Variants in PIGF observed in about 807,000 individuals in gnomAD.
PIGF encodes the protein phosphatidylinositol glycan anchor biosynthesis class F, also known as GPI ethanolamine phosphate transferase, stabilizing subunit.
In PIGF, 23 loss-of-function variants were observed where a neutral mutation model predicts 26.0. That is an observed-to-expected ratio of 0.88 (90% CI 0.64 to 1.25). The LOEUF (loss-of-function observed/expected upper bound fraction) is 1.25. PIGF is among the 50% of genes most tolerant of loss of function. The pLI, the probability that PIGF is intolerant of heterozygous loss-of-function variation, is 0.00. For missense variants in PIGF, 278 were observed against 249.9 expected, an observed-to-expected ratio of 1.11 and a Z score of -0.76; for synonymous variants, 93 against 92.6, an observed-to-expected ratio of 1.00 and a Z score of -0.03.
chr2:46,601,786 G>T (rs1013554633), intron 4 of PIGF, among the ~76,000 whole-genome samples: 1 of 151,830 alleles, frequency 6.6e-6, no homozygotes, highest in Admixed American at 6.6e-5. Context: ...ACAAAAAGAG[G>T]CCTATTATCT....
chr2:46,584,698 A>T (rs1245857951), intron 5 of PIGF, among the ~76,000 whole-genome samples: 1 of 152,224 alleles, frequency 6.6e-6, no homozygotes, highest in Non-Finnish European at 1.5e-5. Flanking sequence ...ATGATGGGTC[A>T]GGCTTTGTAC....
In PIGF at chr2:46,592,524, G is replaced by A; in HGVS notation, c.497C>T (p.Ala166Val). Residue 166 changes from alanine (A) to valine (V), a missense_variant, in exon 5 of 6, where the codon GCA (alanine) becomes GTA (valine). Coordinates refer to ENST00000281382, the MANE Select transcript of PIGF (RefSeq NM_002643.4). ...TGGAATAGGAAGTGCTCCAAGCCAT[G>A]CTCCTACAAAGCTAGAAATTGTAGT... is the stretch of plus-strand genomic sequence containing the variant. ...QITTISSFVG[A>V]WLGALPIPLD... The A allele has an allele frequency of 2.5e-6, 4 of 1,611,438 alleles. No homozygotes were observed. The highest frequency in any genetic ancestry group is 3.4e-6 in the Non-Finnish European group (4 of 1,177,536).
chr2:46,600,236 G>A (rs370561053), intron 4 of PIGF, among the ~76,000 whole-genome samples: 420 of 152,250 alleles, frequency 2.8e-3, no homozygotes, highest in African/African-American at 9.7e-3. Context: ...TGGGGAGTCA[G>A]GGAAACCTAC....
At chr2:46,613,292 T>C (rs904382452) in intron 3 of PIGF, among the ~76,000 whole-genome samples, 7 of 152,168 alleles carry the variant, frequency 4.6e-5, no homozygotes, top group Admixed American at 3.3e-4. Flanking sequence ...AGTATTTGAA[T>C]ACAGGAATCT....
intron 4 of PIGF, among the ~76,000 whole-genome samples, chr2:46,605,865 C>A (rs1321452995): frequency 6.6e-6 from 1 of 152,096 alleles, no homozygotes; most frequent in Non-Finnish European, 1.5e-5. Context: ...CTGAGAAACT[C>A]TATAATGAAA....
chr2:46,613,719 CA>C lies in PIGF; in HGVS notation c.294del (p.Phe98LeufsTer8). 6.4e-7 allele frequency: 1 copy of C among 1,561,516 alleles called. No homozygotes were observed. On this transcript the variant is annotated frameshift_variant, in exon 3 of 6. Coordinates refer to ENST00000281382, the MANE Select transcript of PIGF (RefSeq NM_002643.4). LOFTEE classifies it high-confidence loss of function. ...LMSCFSFHVI[F>X]VLYGAPLIEL... ...TCTATCAGTGGTGCTCCATACAGAA[CA>C]AAAATTACATGAAAGGAGAAACAAG...
chr2:46,604,011 G>A (rs552225027), intron 4 of PIGF, among the ~76,000 whole-genome samples: 6 of 151,492 alleles, frequency 4.0e-5, no homozygotes, highest in Admixed American at 3.9e-4. Flanking sequence ...AACTCTACAG[G>A]GAAAAAAAAC....
chr2:46,585,643 A>G (rs540121149), intron 5 of PIGF, among the ~76,000 whole-genome samples: 3 of 152,210 alleles, frequency 2.0e-5, no homozygotes, highest in African/African-American at 7.2e-5. Context: ...TTAAACTTAC[A>G]CAAACAGTAT....
At chr2:46,607,094 T>C (rs567639004) in intron 4 of PIGF, among the ~76,000 whole-genome samples, 2 of 152,304 alleles carry the variant, frequency 1.3e-5, no homozygotes, top group Non-Finnish European at 1.5e-5. Context: ...CAAAAAGTCA[T>C]TGAATTGTAT....
chr2:46,588,236 T>C lies in PIGF; in HGVS notation c.546+4239A>G. ...GAAATCCAAATACCCTAAATTGGCA[T>C]AACTAAATACCAGAGAAATAGATAA... On this transcript the variant is annotated intron_variant, in intron 5 of 5. Coordinates refer to ENST00000281382, the MANE Select transcript of PIGF (RefSeq NM_002643.4). The surrounding 1 kb of genome is among the most constrained non-coding windows in gnomAD (Gnocchi z 4.1). The C allele has an allele frequency of 6.3e-7, 1 of 1,598,544 alleles. No individual in the cohort carries two copies.
chr2:46,587,548 G>A lies in PIGF; in HGVS notation c.546+4927C>T, dbSNP rs577874317. The stretch of plus-strand genomic sequence containing the variant: ...AACAACTTTAAATTGTTTCAAAGAC[G>A]ATCTCAGGTGTCTAAAATTCAAAAT... On this transcript the variant is annotated intron_variant, in intron 5 of 5. Coordinates refer to ENST00000281382, the MANE Select transcript of PIGF (RefSeq NM_002643.4). 1.2e-3 allele frequency among the ~76,000 whole-genome samples: 190 copies of A among 152,062 alleles called. 1 individual carries two copies. The highest frequency in any genetic ancestry group is 1.4e-3 in the Non-Finnish European group (96 of 67,968).
At chr2:46,615,274 G>A (rs558516480) in intron 1 of PIGF, 89 bp from the exon 2 acceptor site, 7 of 630,574 alleles carry the variant, frequency 1.1e-5, no homozygotes, top group East Asian at 1.1e-4. Context: ...AGGTCATAAA[G>A]TCAATTTTCT....
intron 5 of PIGF, among the ~76,000 whole-genome samples, chr2:46,591,251 T>C (rs1287143814): frequency 1.3e-5 from 2 of 152,114 alleles, no homozygotes; most frequent in African/African-American, 4.8e-5. Flanking sequence ...CTCCATAATA[T>C]ACTGCTGAGG....
chr2:46,596,229 A>AC lies in PIGF; in HGVS notation c.438-3647_438-3646insG, dbSNP rs1190565512. 9.4e-4 allele frequency among the ~76,000 whole-genome samples: 143 copies of AC among 151,504 alleles called. 1 individual carries two copies. The highest frequency in any genetic ancestry group is 3.3e-3 in the African/African-American group (136 of 41,270). On this transcript the variant is annotated intron_variant, in intron 4 of 5. Transcript: ENST00000281382. ...CCCCATCTCAAAAAAAAAAAAAAAAAGATTGATGTATGTATCTTTCTAACC... is the reference window on the plus strand; with the variant it reads ...CCCCATCTCAAAAAAAAAAAAAAAAACGATTGATGTATGTATCTTTCTAACC...
chr2:46,605,845 C>A (rs942750600), intron 4 of PIGF, among the ~76,000 whole-genome samples: 2 of 152,124 alleles, frequency 1.3e-5, no homozygotes, highest in Non-Finnish European at 2.9e-5. Flanking sequence ...GAGTATCTCA[C>A]TAGATTGCTC....
intron 4 of PIGF, among the ~76,000 whole-genome samples, chr2:46,596,679 A>T (rs1669897762): frequency 6.6e-6 from 1 of 151,922 alleles, no homozygotes; most frequent in Non-Finnish European, 1.5e-5. Flanking sequence ...AAAAAACATA[A>T]ATTAAGTATA....
chr2:46,609,279 CCT>C, intron 4 of PIGF, among the ~76,000 whole-genome samples: 1 of 152,366 alleles, frequency 6.6e-6, no homozygotes, highest in South Asian at 2.1e-4. Context: ...AACTTTCTCA[CCT>C]CTCTCAGCCT....
intron 4 of PIGF, among the ~76,000 whole-genome samples, chr2:46,606,115 A>T (rs1670214086): frequency 6.6e-6 from 1 of 152,158 alleles, no homozygotes; most frequent in African/African-American, 2.4e-5. Context: ...AAGCAAGAAG[A>T]AAGTTAAGTA....
intron 4 of PIGF, among the ~76,000 whole-genome samples, chr2:46,598,529 A>ATTTTTTTTTTTT (rs747263045): frequency 0.026 from 2,697 of 103,364 alleles, 277 homozygotes; most frequent in African/African-American, 0.069. Flanking sequence ...ACATTATGAG[A>ATTTTTTTTTTTT]TTTTTTTTTT....
Sources: gnomAD v4.1 joint callset for allele counts (sites outside exome capture counted in the v4.1 genomes callset) on GRCh38, gnomAD v4.1.1 for gene constraint, Gnocchi (gnomAD v3.1) non-coding constraint, MANE v1.5 for transcripts, NCBI Gene and HGNC (gene_info 2026-07-23, HGNC 2026-07-21) for gene names.